The following PPHLN1 variants were observed in gnomAD, a reference collection of about 807,000 sequenced individuals.
The protein encoded by PPHLN1 is periphilin 1.
A neutral mutation model predicts 51.3 loss-of-function variants in PPHLN1; 29 were observed. The ratio of observed to expected loss-of-function variants is 0.57; its 90% CI spans 0.42 to 0.77. PPHLN1 has a LOEUF of 0.77. PPHLN1 is among the 30% of genes least tolerant of loss of function. The probability of loss-of-function intolerance (pLI) is 0.00; values close to 1 mark genes in which losing one functional copy is unlikely to be tolerated. For synonymous variants in PPHLN1, 147 were observed against 147.8 expected (o/e 0.99, Z 0.04); for missense variants, 436 against 438.4 (o/e 0.99, Z 0.05).
At chr12:42,367,123 T>C (rs528660240) in intron 4 of PPHLN1, among the ~76,000 whole-genome samples, 12 of 152,214 alleles carry the variant, frequency 7.9e-5, no homozygotes, top group African/African-American at 2.7e-4. Flanking sequence ...ATGTCAACCA[T>C]GAGAGTTTCT....
At chr12:42,364,348 G>A (rs2075034750) in intron 4 of PPHLN1, among the ~76,000 whole-genome samples, 2 of 151,968 alleles carry the variant, frequency 1.3e-5, no homozygotes, top group African/African-American at 2.4e-5. Context: ...AAATGCTAGG[G>A]GCTGGGTGTG....
intron 1 of PPHLN1, among the ~76,000 whole-genome samples, chr12:42,329,468 A>G (rs936424946): frequency 6.6e-6 from 1 of 152,206 alleles, no homozygotes; most frequent in Non-Finnish European, 1.5e-5. Flanking sequence ...TACTGAGCAC[A>G]GTGTGCAAAT....
chr12:42,445,862 C>G, downstream of PPHLN1: 1 of 1,337,642 alleles, frequency 7.5e-7, no homozygotes, highest in Non-Finnish European at 9.9e-7. Context: ...TAAAACCTCT[C>G]CAGACATAAA....
intron 2 of PPHLN1, among the ~76,000 whole-genome samples, chr12:42,350,694 A>C (rs535067711): frequency 6.6e-6 from 1 of 152,278 alleles, no homozygotes; most frequent in South Asian, 2.1e-4. Context: ...TGAGTGAGCG[A>C]GACTCTGTCT....
chr12:42,442,570 G>A (rs1183036210), downstream of PPHLN1: 25 of 1,597,924 alleles, frequency 1.6e-5, no homozygotes, highest in African/African-American at 2.7e-5. Flanking sequence ...CGCTAAAGCC[G>A]GCAGTCCCCT....
intron 9 of PPHLN1, among the ~76,000 whole-genome samples, chr12:42,409,579 T>G (rs2079619136): frequency 6.6e-6 from 1 of 152,180 alleles, no homozygotes; most frequent in Non-Finnish European, 1.5e-5. Context: ...TAAGGAATGT[T>G]TTCTTTCATG....
chr12:42,438,810 G>T (rs1431571079), intron 9 of PPHLN1, among the ~76,000 whole-genome samples: 1 of 151,930 alleles, frequency 6.6e-6, no homozygotes, highest in South Asian at 2.1e-4. Context: ...CATCATATTG[G>T]TCAGGCTGGT....
intron 8 of PPHLN1, 116 bp from the exon 9 acceptor site, chr12:42,398,738 A>T: frequency 1.2e-6 from 1 of 860,598 alleles, no homozygotes; most frequent in Non-Finnish European, 1.7e-6. Flanking sequence ...TTCTTTTCTT[A>T]AAACATGTTA....
At chr12:42,417,093 A>G (rs1255099977) in intron 9 of PPHLN1, among the ~76,000 whole-genome samples, 1 of 152,170 alleles carries the variant, frequency 6.6e-6, no homozygotes, top group Admixed American at 6.5e-5. Flanking sequence ...AAATTGGTAG[A>G]GTCTGAAATG....
chr12:42,442,860 C>A, downstream of PPHLN1: 2 of 1,456,068 alleles, frequency 1.4e-6, no homozygotes, highest in Non-Finnish European at 1.8e-6. Context: ...ATTGAAACAA[C>A]TGCTTAAAGC....
chr12:42,423,713 T>C (rs1472964480), intron 9 of PPHLN1, among the ~76,000 whole-genome samples: 1 of 152,044 alleles, frequency 6.6e-6, no homozygotes, highest in Non-Finnish European at 1.5e-5. Flanking sequence ...AGTCTCACTC[T>C]GTTGCCCAGG....
Position 42,364,910 on chromosome 12 carries a change from C to T in PPHLN1, c.299+9688C>T, listed in dbSNP as rs984398562. On this transcript the variant is annotated intron_variant, in intron 4 of 9. Coordinates refer to ENST00000358314, the MANE Select transcript of PPHLN1 (RefSeq NM_201439.2). ...CCAGCGTGGGCGACAGAGGGAGACT[C>T]CGCCTTAAAAAAACAAACAAAGTTC... 5.9e-5 allele frequency among the ~76,000 whole-genome samples: 9 copies of T among 152,252 alleles called. No homozygotes were observed. In the South Asian group the frequency reaches 1.0e-3, roughly 18 times the overall value.
chr12:42,432,818 A>G (rs1019912115), intron 9 of PPHLN1, among the ~76,000 whole-genome samples: 7 of 152,160 alleles, frequency 4.6e-5, no homozygotes, highest in African/African-American at 7.2e-5. Flanking sequence ...ATGCTTAGTG[A>G]TCTCTTCATT....
At chr12:42,431,347 T>C (rs2082019723) in intron 9 of PPHLN1, among the ~76,000 whole-genome samples, 1 of 152,168 alleles carries the variant, frequency 6.6e-6, no homozygotes, top group Non-Finnish European at 1.5e-5. Context: ...TAAAGAATAT[T>C]ATGTTAGGGA....
At chr12:42,366,977 C>T (rs886511064) in intron 4 of PPHLN1, among the ~76,000 whole-genome samples, 4 of 152,138 alleles carry the variant, frequency 2.6e-5, no homozygotes, top group Non-Finnish European at 4.4e-5. Context: ...TCTCTCTGTA[C>T]ACAGCCATAC....
chr12:42,445,694 C>T, downstream of PPHLN1: 2 of 294,972 alleles, frequency 6.8e-6, no homozygotes, highest in South Asian at 6.9e-5. Flanking sequence ...AAGGACAGGC[C>T]GTAGTAGAAC....
intron 5 of PPHLN1, among the ~76,000 whole-genome samples, chr12:42,380,651 T>A (rs973588164): frequency 6.6e-6 from 1 of 152,174 alleles, no homozygotes; most frequent in Non-Finnish European, 1.5e-5. Flanking sequence ...TATTCTAGAC[T>A]TATTAGTAAT....
intron 2 of PPHLN1, chr12:42,344,043 G>C (rs1183430549): frequency 3.4e-6 from 1 of 290,114 alleles, no homozygotes; most frequent in Non-Finnish European, 6.6e-6. Context: ...GGTGTGGTTT[G>C]TATGGTACTT....
chr12:42,349,210 A>T (rs999475248), intron 2 of PPHLN1, among the ~76,000 whole-genome samples: 3 of 152,232 alleles, frequency 2.0e-5, no homozygotes, highest in Non-Finnish European at 4.4e-5. Context: ...GCACAGTAGT[A>T]ATGAATATAG....
Sources: allele counts gnomAD v4.1 joint callset (sites outside exome capture counted in the v4.1 genomes callset), GRCh38; gene constraint gnomAD v4.1.1; transcripts MANE v1.5; gene names NCBI Gene and HGNC (gene_info 2026-07-23, HGNC 2026-07-21).